The following DRC2 variants were observed in gnomAD, a reference collection of about 807,000 sequenced individuals.
The protein encoded by DRC2 is coiled-coil domain containing 65.
At chr12:48,921,098 T>C in the DRC2 span, 1 of 1,610,308 alleles carries the variant, frequency 6.2e-7, no homozygotes, top group Non-Finnish European at 8.5e-7. Context: ...GCCCGGGGGA[T>C]GGTGGGGCAT....
At chr12:48,911,093 T>C in the DRC2 span, among the ~76,000 whole-genome samples, 1 of 152,342 alleles carries the variant, frequency 6.6e-6, no homozygotes, top group South Asian at 2.1e-4. Context: ...TTTAACACAT[T>C]ACTTTCTCCT....
At chr12:48,911,515 C>G in the DRC2 span, among the ~76,000 whole-genome samples, 1 of 151,970 alleles carries the variant, frequency 6.6e-6, no homozygotes, top group African/African-American at 2.4e-5. Context: ...TGTGATCATG[C>G]CACCTGACCC....
At chr12:48,919,304 G>A in the DRC2 span, among the ~76,000 whole-genome samples, 2 of 150,404 alleles carry the variant, frequency 1.3e-5, no homozygotes, top group Non-Finnish European at 3.0e-5. Flanking sequence ...TTGGCTCACT[G>A]CAACCTCTGC....
At chr12:48,911,731 C>T in the DRC2 span, among the ~76,000 whole-genome samples, 1 of 152,106 alleles carries the variant, frequency 6.6e-6, no homozygotes, top group African/African-American at 2.4e-5. Context: ...TCCCAAAGAT[C>T]TGGGATTACA....
chr12:48,919,897 G>A, the DRC2 span, among the ~76,000 whole-genome samples: 2 of 151,336 alleles, frequency 1.3e-5, no homozygotes, highest in South Asian at 4.2e-4. Flanking sequence ...AAGGTGGGAG[G>A]ATTGCTTGAG....
chr12:48,906,336 T>C, the DRC2 span, among the ~76,000 whole-genome samples: 2 of 146,990 alleles, frequency 1.4e-5, no homozygotes, highest in Non-Finnish European at 1.5e-5. Context: ...AGAGTTTCAC[T>C]CCTGTTGCCC....
chr12:48,916,814 T>C, the DRC2 span, among the ~76,000 whole-genome samples: 12 of 152,350 alleles, frequency 7.9e-5, no homozygotes, highest in East Asian at 1.3e-3. Context: ...ACTCATTCTT[T>C]CTAGCCCTAA....
the DRC2 span, chr12:48,917,258 C>G: frequency 1.3e-6 from 1 of 778,690 alleles, no homozygotes. Flanking sequence ...CAAGACTAGC[C>G]TGGGCAACAT....
At chr12:48,912,334 G>A in the DRC2 span, among the ~76,000 whole-genome samples, 2 of 150,702 alleles carry the variant, frequency 1.3e-5, no homozygotes, top group Non-Finnish European at 3.0e-5. Context: ...GGAGGCTGAG[G>A]CAGGAGAATG....
chr12:48,905,240 T>C, the DRC2 span: 1 of 841,562 alleles, frequency 1.2e-6, no homozygotes, highest in Non-Finnish European at 1.8e-6. Flanking sequence ...TTGGTAATAA[T>C]GGTTTTCACA....
At chr12:48,919,017 C>T in the DRC2 span, 1 of 688,084 alleles carries the variant, frequency 1.5e-6, no homozygotes, top group Admixed American at 2.8e-5. Context: ...GCTGAGTGGA[C>T]ACTTGGAATA....
chr12:48,908,842 C>A, the DRC2 span, among the ~76,000 whole-genome samples: 2 of 151,626 alleles, frequency 1.3e-5, no homozygotes, highest in Non-Finnish European at 2.9e-5. Flanking sequence ...CTCAGGTGAT[C>A]CACCTGCCTC....
At chr12:48,913,659 T>G in the DRC2 span, among the ~76,000 whole-genome samples, 1 of 151,546 alleles carries the variant, frequency 6.6e-6, no homozygotes, top group Non-Finnish European at 1.5e-5. Flanking sequence ...ATGGCCGGAA[T>G]TTTTTTTTCT....
chr12:48,910,891 G>A, the DRC2 span, among the ~76,000 whole-genome samples: 1 of 152,054 alleles, frequency 6.6e-6, no homozygotes, highest in South Asian at 2.1e-4. Context: ...CTAAGAATAT[G>A]TAAATTAGCC....
At chr12:48,917,878 T>C in the DRC2 span, among the ~76,000 whole-genome samples, 1 of 152,222 alleles carries the variant, frequency 6.6e-6, no homozygotes, top group Non-Finnish European at 1.5e-5. Context: ...TTCTTTGTTT[T>C]TATTTACCCC....
At chr12:48,920,239 C>T in the DRC2 span, among the ~76,000 whole-genome samples, 4 of 147,778 alleles carry the variant, frequency 2.7e-5, no homozygotes, top group African/African-American at 9.9e-5. Context: ...GTTGGGAGTT[C>T]GAGACCAGCC....
chr12:48,918,857 T>G, the DRC2 span: 1 of 1,614,100 alleles, frequency 6.2e-7, no homozygotes, highest in East Asian at 2.2e-5. Flanking sequence ...AGACTCACCC[T>G]GGAAAGTAAT....
the DRC2 span, among the ~76,000 whole-genome samples, chr12:48,908,693 C>A: frequency 2.6e-5 from 4 of 151,622 alleles, no homozygotes; most frequent in Admixed American, 2.0e-4. Context: ...CTCTGCCCCC[C>A]GGGTTCAAGT....
the DRC2 span, among the ~76,000 whole-genome samples, chr12:48,919,057 T>TA: frequency 6.6e-6 from 1 of 152,142 alleles, no homozygotes; most frequent in Non-Finnish European, 1.5e-5. Flanking sequence ...CCTCCCCTCT[T>TA]ACATTAAATT....
Sources: allele counts gnomAD v4.1 joint callset (sites outside exome capture counted in the v4.1 genomes callset), GRCh38; gene constraint gnomAD v4.1.1; transcripts MANE v1.5; gene names NCBI Gene and HGNC (gene_info 2026-07-23, HGNC 2026-07-21).